Variants in TRMU observed in about 807,000 individuals in gnomAD.
TRMU encodes tRNA mitochondrial 2-thiouridylase.
TRMU carries 49 observed loss-of-function variants against 46.9 expected under a neutral mutation model. The ratio of observed to expected loss-of-function variants is 1.05; its 90% confidence interval spans 0.83 to 1.33. The LOEUF is 1.33. TRMU is among the 40% of genes most tolerant of loss of function. The probability of loss-of-function intolerance (pLI) is 0.00; values close to 1 mark genes in which losing one functional copy is unlikely to be tolerated. For synonymous variants in TRMU, 241 were observed against 200.9 expected (o/e 1.20, Z -1.69); for missense variants, 572 against 532.4 (o/e 1.07, Z -0.73).
chr22:46,337,724 C>A lies in TRMU; in HGVS notation c.83-55C>A, dbSNP rs896181125. 9.3e-6 allele frequency: 15 copies of A among 1,605,900 alleles called. No homozygotes were observed. The African/African-American group carries it at 1.3e-4, about 14-fold the overall frequency. On this transcript the variant is annotated intron_variant, in intron 1 of 10. Transcript: ENST00000645190. ...CTTCTCAGAGCTCAGAAATCACTGC[C>A]GTTTTACCGAAGGTTGATTTATGTA... is the stretch of plus-strand genomic sequence containing the variant.
At chr22:46,344,530 T>G (rs957698010) in intron 3 of TRMU, among the ~76,000 whole-genome samples, 4 of 152,204 alleles carry the variant, frequency 2.6e-5, no homozygotes, top group Non-Finnish European at 4.4e-5. Flanking sequence ...CAGTTAGGAC[T>G]GGCAGGAGAA....
In TRMU at chr22:46,351,731, T is replaced by TA. The variant is rs1192293129; in HGVS notation, c.652-390_652-389insA. On this transcript the variant is annotated intron_variant, in intron 5 of 10. Coordinates refer to ENST00000645190, the MANE Select transcript of TRMU (RefSeq NM_018006.5). This position sits in a 1 kb window ranked among gnomAD's most constrained non-coding sequence, Gnocchi z 6.4. ...AGGCGCCTCTCTCCTCTGACTCCCC[T>TA]GGAGCCCTCCCCTAAGGCCTTAGCT... 5.6e-6 allele frequency: 2 copies of TA among 359,056 alleles called. No homozygotes were observed. The highest frequency in any genetic ancestry group is 3.8e-5 in the Admixed American group (1 of 26,000). 22.2% of individuals were successfully genotyped at this position (359,056 alleles called of 1,614,324 possible).
chr22:46,336,039 C>A lies in TRMU; in HGVS notation c.82+193C>A. ...CTCCACCTGTGTAGTCGGAGGTGTG[C>A]GCGACTGCAGCTCCGACTACCTGGG... On this transcript the variant is annotated intron_variant, in intron 1 of 10. Coordinates refer to ENST00000645190, the MANE Select transcript of TRMU (RefSeq NM_018006.5). The surrounding 1 kb of genome is among the most constrained non-coding windows in gnomAD (Gnocchi z 4.1). 7.1e-7 allele frequency: 1 copy of A among 1,412,392 alleles called. No homozygotes were observed. The highest frequency in any genetic ancestry group is 1.5e-5 in the South Asian group (1 of 66,138). The allele number at this position is 1,412,392 out of a possible 1,614,324, so 87.5% of individuals were successfully genotyped here.
Position 46,351,754 on chromosome 22 carries a change from G to A in TRMU, c.652-367G>A, listed in dbSNP as rs1032774752. 5 of 385,700 alleles carry A rather than the reference G, an allele frequency of 1.3e-5. No individual in the cohort carries two copies. Among genetic ancestry groups the A allele is most frequent in the African/African-American group, 1.0e-4 (5 of 48,206 alleles). The allele number at this position is 385,700 out of a possible 1,614,324, so 23.9% of individuals were successfully genotyped here. A position where few individuals can be genotyped will look rare whatever the true frequency, so the allele number is the denominator to read the frequency against. ...CCTGGAGCCCTCCCCTAAGGCCTTA[G>A]CTTCAGGCCTGGCTTTCCTGCTACC... On this transcript the variant is annotated intron_variant, in intron 5 of 10. Coordinates refer to ENST00000645190, the MANE Select transcript of TRMU (RefSeq NM_018006.5). The surrounding 1 kb of genome is among the most constrained non-coding windows in gnomAD (Gnocchi z 6.4).
Position 46,355,620 on chromosome 22 carries a change from C to T in TRMU, c.1018+32C>T, listed in dbSNP as rs1239664305. On this transcript the variant is annotated intron_variant, in intron 9 of 10. Transcript: ENST00000645190. ...GACGGGAGGGCTCCTGAGGACGGGC[C>T]CCTTGAAGCTGAGCTTCCTGAGGCC... The T allele has an allele frequency of 2.5e-6, 4 of 1,613,072 alleles. No homozygotes were observed. In the Admixed American group the frequency reaches 6.7e-5, roughly 27 times the overall value.
chr22:46,353,700 A>G (rs1601984510), intron 7 of TRMU, 67 bp from the exon 8 acceptor site: 1 of 1,473,674 alleles, frequency 6.8e-7, no homozygotes, highest in East Asian at 2.3e-5. Flanking sequence ...ATCTGCCTTC[A>G]TGATGAGGCG....
At position 46,339,265 on chromosome 22, in the gene TRMU, T is replaced by A. The variant is rs574645387; in HGVS notation, c.248+1321T>A. Among the ~76,000 whole-genome samples the A allele has an allele frequency of 7.6e-4, 115 of 152,296 alleles. No homozygotes were observed. Among genetic ancestry groups the A allele is most frequent in the Admixed American group, 6.5e-4 (10 of 15,300 alleles). On this transcript the variant is annotated intron_variant, in intron 2 of 10. Transcript: ENST00000645190. The surrounding 1 kb of genome is among the most constrained non-coding windows in gnomAD (Gnocchi z 4.8). ...CCCAGGTTCAAGCGATTCTCATGCC[T>A]CAGCCTCCCAAGTAGCTGGGATTAT...
intron 3 of TRMU, among the ~76,000 whole-genome samples, chr22:46,345,540 G>A (rs977872660): frequency 1.3e-5 from 2 of 152,076 alleles, no homozygotes; most frequent in Non-Finnish European, 2.9e-5. Flanking sequence ...GAGGAGAAAC[G>A]ACACCTATAA....
Position 46,351,135 on chromosome 22 carries a change from G to A in TRMU, c.651+672G>A, listed in dbSNP as rs2078409728. On this transcript the variant is annotated intron_variant, in intron 5 of 10. Coordinates refer to ENST00000645190, the MANE Select transcript of TRMU (RefSeq NM_018006.5). The surrounding 1 kb of genome is among the most constrained non-coding windows in gnomAD (Gnocchi z 6.4). ...ACATGGAACCTGAGACCTGAAGGAG[G>A]AGAGGATCCGGTGTCCCAGAGAGGG... is the stretch of plus-strand genomic sequence containing the variant. Among the ~76,000 whole-genome samples the A allele has an allele frequency of 6.6e-6, 1 of 152,238 alleles. No homozygotes were observed. The highest frequency in any genetic ancestry group is 1.5e-5 in the Non-Finnish European group (1 of 68,050).
At chr22:46,337,430 A>G (rs1201390211) in intron 1 of TRMU, among the ~76,000 whole-genome samples, 1 of 152,178 alleles carries the variant, frequency 6.6e-6, no homozygotes, top group Non-Finnish European at 1.5e-5. Flanking sequence ...TTTTGAAAAG[A>G]GTTTCCTTTT....
rs1037803987 is a variant in TRMU, at chr22:46,339,222, T to A, written c.248+1278T>A. Among the ~76,000 whole-genome samples, 4 of 152,188 alleles carry A rather than the reference T, an allele frequency of 2.6e-5. No homozygotes were observed. The highest frequency in any genetic ancestry group is 9.7e-5 in the African/African-American group (4 of 41,430). ...TGGAGTGCAGTGGCGCAATCTTGGC[T>A]CACTGCAACATCTGCCTCCCAGGTT... is the stretch of plus-strand genomic sequence containing the variant. On this transcript the variant is annotated intron_variant, in intron 2 of 10. Coordinates refer to ENST00000645190, the MANE Select transcript of TRMU (RefSeq NM_018006.5). This position sits in a 1 kb window ranked among gnomAD's most constrained non-coding sequence, Gnocchi z 4.8.
chr22:46,346,692 G>A (rs2078267597), intron 4 of TRMU, 148 bp downstream of exon 4: 1 of 1,032,724 alleles, frequency 9.7e-7, no homozygotes, highest in Admixed American at 2.0e-5. Context: ...TTGAAAAGGT[G>A]CAGTTACCAA....
intron 3 of TRMU, 102 bp downstream of exon 3, chr22:46,343,470 C>T (rs926364314): frequency 1.7e-5 from 15 of 863,436 alleles, no homozygotes; most frequent in South Asian, 1.1e-4. Context: ...ACTGCAGCCT[C>T]GACCTCCTGG....
chr22:46,350,765 G>A lies in TRMU; in HGVS notation c.651+302G>A, dbSNP rs2078396056. 6.6e-6 allele frequency among the ~76,000 whole-genome samples: 1 copy of A among 152,170 alleles called. No homozygotes were observed. The highest frequency in any genetic ancestry group is 1.5e-5 in the Non-Finnish European group (1 of 68,024). On this transcript the variant is annotated intron_variant, in intron 5 of 10. Coordinates refer to ENST00000645190, the MANE Select transcript of TRMU (RefSeq NM_018006.5). This position sits in a 1 kb window ranked among gnomAD's most constrained non-coding sequence, Gnocchi z 4.6. ...TGCTCTTGGGATGGCCTGCCTGCCA[G>A]GTGAGTGCCAGGCAGTGTGATGCAG...
At chr22:46,354,856 C>T (rs1003355691) in intron 8 of TRMU, 30 of 158,762 alleles carry the variant, frequency 1.9e-4, no homozygotes, top group Admixed American at 1.3e-3. Context: ...CAGGAGGTGC[C>T]AGGTCTCAAT....
At chr22:46,352,747 C>T (rs1489759540) in intron 7 of TRMU, 14 of 339,304 alleles carry the variant, frequency 4.1e-5, no homozygotes, top group Non-Finnish European at 6.9e-5. Context: ...TGGGATCAGG[C>T]GTCCGCGCTG....
rs1482772407 is a variant in TRMU, at chr22:46,348,616, A to G, written c.479-1675A>G. On this transcript the variant is annotated intron_variant, in intron 4 of 10. Transcript: ENST00000645190. The surrounding 1 kb of genome is among the most constrained non-coding windows in gnomAD (Gnocchi z 4.8). Reference sequence around the variant, plus strand: ...GAGCCAGCACGGCAGCCGGCGTGTCAGTGAGGCTCCAGCACAGGCAGCCTC... The same window carrying G: ...GAGCCAGCACGGCAGCCGGCGTGTCGGTGAGGCTCCAGCACAGGCAGCCTC... Among the ~76,000 whole-genome samples, 1 of 152,258 alleles carries G rather than the reference A, an allele frequency of 6.6e-6. No homozygotes were observed. Among genetic ancestry groups the G allele is most frequent in the African/African-American group, 2.4e-5 (1 of 41,470 alleles).
chr22:46,344,731 G>C (rs1171918085), intron 3 of TRMU, among the ~76,000 whole-genome samples: 1 of 152,246 alleles, frequency 6.6e-6, no homozygotes, highest in Non-Finnish European at 1.5e-5. Flanking sequence ...AGCACAGGAT[G>C]AGAGGACATG....
chr22:46,351,503 A>G lies in TRMU; in HGVS notation c.652-618A>G, dbSNP rs2078423136. 5.7e-6 allele frequency: 1 copy of G among 174,212 alleles called. No individual in the cohort carries two copies. Among genetic ancestry groups the G allele is most frequent in the Admixed American group, 5.4e-5 (1 of 18,498 alleles). 10.8% of individuals were successfully genotyped at this position (174,212 alleles called of 1,614,324 possible). On this transcript the variant is annotated intron_variant, in intron 5 of 10. Coordinates refer to ENST00000645190, the MANE Select transcript of TRMU (RefSeq NM_018006.5). The surrounding 1 kb of genome is among the most constrained non-coding windows in gnomAD (Gnocchi z 6.4). Reference sequence around the variant, plus strand: ...AACGGCCATACCTTTCATCAGAGCCATCTTCCCTGAAGAGCACGCCCACCG... The same window carrying G: ...AACGGCCATACCTTTCATCAGAGCCGTCTTCCCTGAAGAGCACGCCCACCG...
Sources: allele counts gnomAD v4.1 joint callset (sites outside exome capture counted in the v4.1 genomes callset), GRCh38; gene constraint gnomAD v4.1.1; non-coding constraint Gnocchi (gnomAD v3.1); transcripts MANE v1.5; gene names NCBI Gene and HGNC (gene_info 2026-07-23, HGNC 2026-07-21).